NPC1: variants seen among roughly 807,000 people sequenced by gnomAD.
NPC1 encodes the protein NPC intracellular cholesterol transporter 1, also known as Niemann-Pick C1 protein.
In NPC1, 85 loss-of-function variants were observed where a neutral mutation model predicts 140.4. The ratio of observed to expected loss-of-function variants is 0.61; its 90% confidence interval spans 0.51 to 0.72. The LOEUF (loss-of-function observed/expected upper bound fraction) is 0.72. Ranked by LOEUF, NPC1 falls within the 30% of genes least tolerant of loss-of-function variation. The pLI is 0.00. For synonymous variants in NPC1, 656 were observed against 624.8 expected (o/e 1.05, Z -0.74); for missense variants, 1,504 against 1,623.8 (o/e 0.93, Z 1.27).
chr18:23,542,707 A>G (rs140738852), intron 14 of NPC1, among the ~76,000 whole-genome samples: 133 of 152,368 alleles, frequency 8.7e-4, no homozygotes, highest in Middle Eastern at 6.8e-3. Flanking sequence ...TGTGCACAGA[A>G]GAGAAAGACT....
rs542707287 is a variant in NPC1, at chr18:23,573,390, T to A, written c.180+62A>T. On this transcript the variant is annotated intron_variant, in intron 2 of 24. Transcript: ENST00000269228. ...CCACCCTGCAATAACATTTAAGGAA[T>A]AATTACAGAGGATCTTGTGATCAGC... is the stretch of plus-strand genomic sequence containing the variant. The A allele has an allele frequency of 5.0e-6, 8 of 1,610,980 alleles. No individual in the cohort carries two copies. The South Asian group carries it at 8.8e-5, about 18-fold the overall frequency.
chr18:23,518,303 C>A (rs2058060792), downstream of NPC1, among the ~76,000 whole-genome samples: 1 of 152,130 alleles, frequency 6.6e-6, no homozygotes, highest in African/African-American at 2.4e-5. Context: ...CCAGCCCGGG[C>A]AACATAGTGA....
chr18:23,550,708 G>C (rs1292852110), intron 10 of NPC1, among the ~76,000 whole-genome samples: 1 of 151,648 alleles, frequency 6.6e-6, no homozygotes, highest in African/African-American at 2.4e-5. Context: ...GGATGGTCTC[G>C]ATCTCCTGAC....
downstream of NPC1, chr18:23,529,256 A>G: frequency 6.2e-7 from 1 of 1,614,070 alleles, no homozygotes; most frequent in Non-Finnish European, 8.5e-7. Flanking sequence ...TGGACCAGTC[A>G]GATGTGTACA....
intron 1 of NPC1, chr18:23,582,174 T>C (rs1301133054): frequency 6.6e-6 from 1 of 152,172 alleles, no homozygotes; most frequent in Non-Finnish European, 1.5e-5. Context: ...CTTTGTTGTG[T>C]CTAGGGAAGC....
At chr18:23,527,611 T>TA (rs1555628919), downstream of NPC1, among the ~76,000 whole-genome samples, 10 of 150,624 alleles carry the variant, frequency 6.6e-5, no homozygotes, top group Non-Finnish European at 1.0e-4. Context: ...TTTTTTTTTT[T>TA]AACCGTAACC....
chr18:23,538,504 T>C (rs1382769680), intron 20 of NPC1, 38 bp downstream of exon 20: 1 of 1,613,512 alleles, frequency 6.2e-7, no homozygotes. Context: ...AAATTAAAGT[T>C]GCAGTGGATG....
At chr18:23,574,205 G>C (rs1184992955) in intron 1 of NPC1, among the ~76,000 whole-genome samples, 1 of 152,194 alleles carries the variant, frequency 6.6e-6, no homozygotes, top group Non-Finnish European at 1.5e-5. Context: ...TCCCATGTGA[G>C]AGTCACAAGG....
downstream of NPC1, among the ~76,000 whole-genome samples, chr18:23,520,635 T>A (rs966540700): frequency 2.6e-5 from 4 of 152,056 alleles, no homozygotes; most frequent in African/African-American, 9.7e-5. Context: ...AATTTTTATA[T>A]TTTTTTAAAT....
chr18:23,585,224 C>G (rs1179985353), intron 1 of NPC1, among the ~76,000 whole-genome samples: 1 of 152,126 alleles, frequency 6.6e-6, no homozygotes, highest in Non-Finnish European at 1.5e-5. Flanking sequence ...TCACAGCAGC[C>G]TCAACCTCAA....
downstream of NPC1, chr18:23,527,897 C>T (rs139487898): frequency 8.1e-4 from 1,299 of 1,612,394 alleles, 3 homozygotes; most frequent in Non-Finnish European, 1.1e-3. Context: ...CAGAGTTATG[C>T]GATGGTGAGT....
chr18:23,546,270 A>G (rs1319550566), intron 11 of NPC1, among the ~76,000 whole-genome samples: 2 of 151,042 alleles, frequency 1.3e-5, no homozygotes, highest in African/African-American at 2.4e-5. Flanking sequence ...AAAAAAAAAA[A>G]AAAAAAAGAA....
intron 24 of NPC1, among the ~76,000 whole-genome samples, chr18:23,532,580 A>G (rs1240100596): frequency 6.6e-6 from 1 of 152,158 alleles, no homozygotes; most frequent in Admixed American, 6.5e-5. Context: ...GTGGGACTGC[A>G]GACGCACACC....
chr18:23,555,309 G>C (rs1255448159), intron 8 of NPC1, among the ~76,000 whole-genome samples: 2 of 152,268 alleles, frequency 1.3e-5, no homozygotes, highest in Non-Finnish European at 2.9e-5. Flanking sequence ...AGAGGGGAGA[G>C]TGGAGGGGGA....
rs986761799 is a variant in NPC1 at position 23,544,515 on chromosome 18, C to T, written c.1959G>A (p.Lys653=). ...AGATGCCCGCGATGCCTAGTGAGAC[C>T]TTCGAATCCACCTGAGAGAGGCGAC... is the stretch of plus-strand genomic sequence containing the variant. ...KSCRRLLVDS[K]VSLGIAGILI... is the part of the protein sequence containing the mutation. Residue 653 remains lysine, a synonymous_variant, in exon 13 of 25, where the codon AAG becomes AAA. Coordinates refer to ENST00000269228, the MANE Select transcript of NPC1 (RefSeq NM_000271.5). 6.2e-7 allele frequency: 1 copy of T among 1,614,164 alleles called. No individual in the cohort carries two copies. The highest frequency in any genetic ancestry group is 8.5e-7 in the Non-Finnish European group (1 of 1,180,030).
Position 23,550,479 on chromosome 18 carries a change from CTTT to C in NPC1, c.1654+1145_1654+1147del, listed in dbSNP as rs68163205. Among the ~76,000 whole-genome samples the C allele has an allele frequency of 1.2e-3, 90 of 74,946 alleles. 7 individuals are homozygous for C. The highest frequency in any genetic ancestry group is 8.4e-3 in the East Asian group (15 of 1,782). 49.2% of individuals were successfully genotyped at this position (74,946 alleles called of 152,430 possible). A position where few individuals can be genotyped will look rare whatever the true frequency, so the allele number is the denominator to read the frequency against. The stretch of plus-strand genomic sequence containing the variant: ...GAATTTTCTTCCAGTTCTTACATTT[CTTT>C]TTTTTTTTTTTTTTTTTGAGATGGA... On this transcript the variant is annotated intron_variant, in intron 10 of 24. Coordinates refer to ENST00000269228, the MANE Select transcript of NPC1 (RefSeq NM_000271.5).
At chr18:23,559,129 AC>A (rs1192346271) in intron 6 of NPC1, among the ~76,000 whole-genome samples, 1 of 152,092 alleles carries the variant, frequency 6.6e-6, no homozygotes, top group East Asian at 1.9e-4. Flanking sequence ...TCGTTGTTGG[AC>A]ATTTAGGTTG....
At chr18:23,513,715 T>A (rs1156288494) in intron 3 of NPC1, among the ~76,000 whole-genome samples, 1 of 152,232 alleles carries the variant, frequency 6.6e-6, no homozygotes, top group African/African-American at 2.4e-5. Context: ...CTGTTTTGTT[T>A]TGTTTTGTTT....
intron 1 of NPC1, 90 bp downstream of exon 1, chr18:23,586,197 G>T: frequency 1.4e-6 from 2 of 1,411,520 alleles, no homozygotes; most frequent in Non-Finnish European, 1.9e-6. Flanking sequence ...CCAGGACCCG[G>T]GCCTGAGCCG....
Sources: allele counts gnomAD v4.1 joint callset (sites outside exome capture counted in the v4.1 genomes callset), GRCh38; gene constraint gnomAD v4.1.1; transcripts MANE v1.5; gene names NCBI Gene and HGNC (gene_info 2026-07-23, HGNC 2026-07-21).